Variants in CSMD2 observed in about 807,000 individuals in gnomAD.
The protein encoded by CSMD2 is CUB and Sushi multiple domains 2, also known as CUB and sushi domain-containing protein 2.
In CSMD2, 130 loss-of-function variants were observed where a neutral mutation model predicts 398.5. The ratio of observed to expected loss-of-function variants is 0.33; its 90% CI spans 0.28 to 0.38. The LOEUF is 0.38. Among genes scored for constraint, CSMD2 ranks in the 10% least tolerant of loss-of-function variants. CSMD2 has a pLI of 1.00. For synonymous variants in CSMD2, 1,828 were observed against 1,908.5 expected (o/e 0.96, Z 1.10); for missense variants, 3,829 against 4,764.9 (o/e 0.80, Z 5.78).
chr1:33,831,470 T>G (rs1462302587), intron 6 of CSMD2, among the ~76,000 whole-genome samples: 4 of 152,100 alleles, frequency 2.6e-5, no homozygotes, highest in Non-Finnish European at 4.4e-5. Flanking sequence ...CTGAGAGATT[T>G]TGTCACCACC....
At position 33,627,707 on chromosome 1, in the gene CSMD2, C is replaced by T. The variant is rs1182791595; in HGVS notation, c.5201-1126G>A. On this transcript the variant is annotated intron_variant, in intron 32 of 70. Coordinates refer to ENST00000373381, the MANE Select transcript of CSMD2 (RefSeq NM_001281956.2). ...GCCTGGCTAGGAGTCATTGTCCCAG[C>T]TAACAGTTATTGCCCCCAGCTAACA... Among the ~76,000 whole-genome samples, 4 of 152,226 alleles carry T rather than the reference C, an allele frequency of 2.6e-5. 1 individual carries two copies. In the South Asian group the frequency reaches 6.2e-4, roughly 24 times the overall value.
chr1:33,853,398 A>G (rs1364309888), intron 5 of CSMD2, among the ~76,000 whole-genome samples: 1 of 152,226 alleles, frequency 6.6e-6, no homozygotes, highest in Non-Finnish European at 1.5e-5. Context: ...ACTCACACCT[A>G]ATATTTAGTA....
At chr1:33,550,664 G>A (rs1437336898) in intron 55 of CSMD2, among the ~76,000 whole-genome samples, 1 of 152,094 alleles carries the variant, frequency 6.6e-6, no homozygotes, top group Non-Finnish European at 1.5e-5. Flanking sequence ...GATGTCTCTG[G>A]GCAGGAAGGT....
At chr1:33,806,223 A>T (rs1656215036) in intron 10 of CSMD2, among the ~76,000 whole-genome samples, 2 of 152,298 alleles carry the variant, frequency 1.3e-5, no homozygotes, top group African/African-American at 4.8e-5. Context: ...CTCTGGGAGG[A>T]TCTGGAGGCT....
chr1:33,906,409 G>A (rs1643091591), intron 5 of CSMD2, among the ~76,000 whole-genome samples: 2 of 152,158 alleles, frequency 1.3e-5, no homozygotes, highest in African/African-American at 4.8e-5. Context: ...AGGATGAATT[G>A]GACAGTGCCA....
chr1:34,049,731 C>G (rs547154407), intron 2 of CSMD2, among the ~76,000 whole-genome samples: 1 of 152,256 alleles, frequency 6.6e-6, no homozygotes, highest in South Asian at 2.1e-4. Context: ...ATTGATTGCG[C>G]CTTGTCATAC....
intron 24 of CSMD2, among the ~76,000 whole-genome samples, chr1:33,697,382 C>T (rs1230082121): frequency 6.6e-6 from 1 of 152,084 alleles, no homozygotes; most frequent in Non-Finnish European, 1.5e-5. Flanking sequence ...GGGAGATATG[C>T]CTGAAGACCA....
At position 33,652,411 on chromosome 1, in the gene CSMD2, T is replaced by C. The variant is rs768357582; in HGVS notation, c.4498A>G (p.Asn1500Asp). The change falls in exon 28 of 71, where the codon AAT becomes GAT. Residue 1500 changes from asparagine (N) to aspartate (D), a missense_variant. Asn to Asp is a conservative substitution (Grantham distance 23, BLOSUM62 1). Around this residue, in one of 5 missense-constraint regions of CSMD2, gnomAD observed 2,001 missense variants for 2,567.1 expected, o/e 0.78. Coordinates refer to ENST00000373381, the MANE Select transcript of CSMD2 (RefSeq NM_001281956.2). Reference sequence around the variant, plus strand: ...CCTGGCGGGTAGGGTTCTGGGTAATTTGGTGAGAGGATGACTCCAGATGGT... The same window carrying C: ...CCTGGCGGGTAGGGTTCTGGGTAATCTGGTGAGAGGATGACTCCAGATGGT... ...TGPSGVILSP[N>D]YPEPYPPGKE... 3 of 1,614,122 alleles carry C rather than the reference T, an allele frequency of 1.9e-6. No homozygotes were observed. Among genetic ancestry groups the C allele is most frequent in the Admixed American group, 3.3e-5 (2 of 60,026 alleles).
At chr1:33,545,923 C>G in intron 57 of CSMD2, 114 bp downstream of exon 57, 1 of 984,156 alleles carries the variant, frequency 1.0e-6, no homozygotes, top group Non-Finnish European at 1.5e-6. Flanking sequence ...GCTGAGGGTT[C>G]AAATGGGGCC....
intron 10 of CSMD2, among the ~76,000 whole-genome samples, chr1:33,802,244 C>G (rs947409019): frequency 6.6e-6 from 1 of 152,134 alleles, no homozygotes; most frequent in Non-Finnish European, 1.5e-5. Flanking sequence ...TTGCTCTGAG[C>G]CTTCTTTCCT....
intron 1 of CSMD2, among the ~76,000 whole-genome samples, chr1:34,092,422 GAACAGCTCCCGTCCACA>G (rs1658682309): frequency 6.6e-6 from 1 of 152,208 alleles, no homozygotes; most frequent in African/African-American, 2.4e-5. Context: ...GGCCGAATAG[GAACAGCTCCCGTCCACA>G]GCTCCCAGCG....
At position 33,598,123 on chromosome 1, in the gene CSMD2, G is replaced by T. The variant is rs1460382135; in HGVS notation, c.6856+2742C>A. ...GGATCATGGTTAACTCTCAGGGTAGGGTAGGGGAATGTGCTGAGGAAGGAA... is the reference window on the plus strand; with the variant it reads ...GGATCATGGTTAACTCTCAGGGTAGTGTAGGGGAATGTGCTGAGGAAGGAA... On this transcript the variant is annotated intron_variant, in intron 44 of 70. Coordinates refer to ENST00000373381, the MANE Select transcript of CSMD2 (RefSeq NM_001281956.2). Among the ~76,000 whole-genome samples, 5 of 152,288 alleles carry T rather than the reference G, an allele frequency of 3.3e-5. No homozygotes were observed. The East Asian group carries it at 9.6e-4, about 29-fold the overall frequency.
At chr1:33,883,089 T>G (rs913669181) in intron 5 of CSMD2, among the ~76,000 whole-genome samples, 1 of 152,218 alleles carries the variant, frequency 6.6e-6, no homozygotes, top group Non-Finnish European at 1.5e-5. Flanking sequence ...TCCATTTTAT[T>G]ACAAAGATCT....
At chr1:33,545,086 C>T (rs916575839) in intron 57 of CSMD2, among the ~76,000 whole-genome samples, 3 of 152,156 alleles carry the variant, frequency 2.0e-5, no homozygotes, top group Admixed American at 2.0e-4. Flanking sequence ...GGCCATTACA[C>T]ACTTCCCAAT....
chr1:34,121,136 T>A (rs1011451171), intron 1 of CSMD2, among the ~76,000 whole-genome samples: 1 of 152,208 alleles, frequency 6.6e-6, no homozygotes, highest in East Asian at 1.9e-4. Context: ...AGTTGTTGAA[T>A]GAATGAGCGA....
At chr1:33,725,195 G>A (rs1646488604) in intron 17 of CSMD2, among the ~76,000 whole-genome samples, 154 bp downstream of exon 17, 1 of 152,184 alleles carries the variant, frequency 6.6e-6, no homozygotes, top group African/African-American at 2.4e-5. Context: ...GAGCAACAGA[G>A]TGCCTTCCCC....
At chr1:33,895,621 C>T (rs1185112122) in intron 5 of CSMD2, among the ~76,000 whole-genome samples, 1 of 152,102 alleles carries the variant, frequency 6.6e-6, no homozygotes, top group African/African-American at 2.4e-5. Context: ...TGAGCCCGCC[C>T]TCTGGAGAGG....
chr1:34,162,924 C>A (rs1005847635), intron 1 of CSMD2, among the ~76,000 whole-genome samples: 1 of 152,166 alleles, frequency 6.6e-6, no homozygotes, highest in African/African-American at 2.4e-5. Flanking sequence ...CAAGCCAGAG[C>A]AGGGCCTGCC....
intron 3 of CSMD2, among the ~76,000 whole-genome samples, chr1:33,997,093 C>G (rs566784590): frequency 6.6e-5 from 10 of 152,328 alleles, no homozygotes; most frequent in African/African-American, 2.4e-4. Context: ...CTGAATCACT[C>G]TGACACCCAG....
Sources: gnomAD v4.1 joint callset for allele counts (sites outside exome capture counted in the v4.1 genomes callset) on GRCh38, gnomAD v4.1.1 for gene constraint, gnomAD v4.1.1 regional missense constraint, MANE v1.5 for transcripts, NCBI Gene and HGNC (gene_info 2026-07-23, HGNC 2026-07-21) for gene names.